Variants in SAMD5 observed in about 807,000 individuals in gnomAD.
The protein encoded by SAMD5 is sterile alpha motif domain containing 5.
In SAMD5, 13 loss-of-function variants were observed where a neutral mutation model predicts 11.3. That is an observed-to-expected ratio of 1.15 (90% CI 0.75 to 1.83). SAMD5 has a LOEUF of 1.83. Ranked by LOEUF, SAMD5 falls within the 40% of genes most tolerant of loss-of-function variation. The pLI is 0.00. For missense variants in SAMD5, 255 were observed against 239.1 expected (o/e 1.07, Z -0.44); for synonymous variants, 129 against 111.3 (o/e 1.16, Z -1.00).
the SAMD5 span, among the ~76,000 whole-genome samples, chr6:147,895,141 C>T: frequency 6.6e-6 from 1 of 152,190 alleles, no homozygotes; most frequent in Non-Finnish European, 1.5e-5. Context: ...GAGCCCAGGC[C>T]AGCTCTAAGC....
chr6:147,704,408 T>C (rs1791297621), intron 1 of SAMD5, among the ~76,000 whole-genome samples: 1 of 152,082 alleles, frequency 6.6e-6, no homozygotes, highest in Non-Finnish European at 1.5e-5. Context: ...ACTCATCATC[T>C]CTCTAATGAA....
the SAMD5 span, among the ~76,000 whole-genome samples, chr6:147,833,832 A>G: frequency 6.6e-6 from 1 of 152,346 alleles, no homozygotes; most frequent in East Asian, 1.9e-4. Flanking sequence ...ATTCAGAAGT[A>G]GTCCTTTATT....
In SAMD5 at chr6:147,613,370, A is replaced by G. The variant is rs536544107; in HGVS notation, c.162+103983A>G. Among the ~76,000 whole-genome samples the G allele has an allele frequency of 3.5e-4, 53 of 151,860 alleles. No homozygotes were observed. In the South Asian group the frequency reaches 8.3e-3, roughly 24 times the overall value. On this transcript the variant is annotated intron_variant, in intron 1 of 1. Transcript: ENST00000566741. ...TTCTGAGAGCCCCACGCACTAAGAG[A>G]TAGTCTGATCCATTGTCAAACTTCT...
chr6:147,556,842 GTA>G (rs1348485381), intron 1 of SAMD5, among the ~76,000 whole-genome samples: 17 of 152,240 alleles, frequency 1.1e-4, no homozygotes, highest in Non-Finnish European at 2.9e-5. Context: ...TACAACGATA[GTA>G]TGTTATTTAT....
chr6:147,748,278 C>G, the SAMD5 span, among the ~76,000 whole-genome samples: 16 of 152,298 alleles, frequency 1.1e-4, no homozygotes, highest in Middle Eastern at 3.4e-3. Context: ...CAGACTGTGG[C>G]ACATTCATCG....
chr6:147,571,485 G>T (rs1332584381), downstream of SAMD5, among the ~76,000 whole-genome samples: 1 of 124,658 alleles, frequency 8.0e-6, no homozygotes, highest in East Asian at 2.3e-4. Context: ...CCCGCACCCC[G>T]CCCCCCTGCC....
intron 1 of SAMD5, among the ~76,000 whole-genome samples, chr6:147,695,194 A>G (rs1791157862): frequency 6.6e-6 from 1 of 152,230 alleles, no homozygotes; most frequent in Admixed American, 6.5e-5. Flanking sequence ...TTCTTGGACA[A>G]TGAACAGAAA....
chr6:147,555,841 C>T (rs1028797343), intron 1 of SAMD5, among the ~76,000 whole-genome samples: 19 of 152,142 alleles, frequency 1.2e-4, no homozygotes, highest in African/African-American at 4.6e-4. Context: ...TGAATATCTA[C>T]AATTATTTAT....
At chr6:147,583,779 A>G (rs958361423) in intron 1 of SAMD5, among the ~76,000 whole-genome samples, 1 of 151,458 alleles carries the variant, frequency 6.6e-6, no homozygotes, top group Non-Finnish European at 1.5e-5. Flanking sequence ...TTGGTCTAGA[A>G]TGAGTGACCT....
chr6:147,933,232 A>C, the SAMD5 span, among the ~76,000 whole-genome samples: 5 of 152,238 alleles, frequency 3.3e-5, no homozygotes, highest in Non-Finnish European at 5.9e-5. Context: ...GCATAAAGTC[A>C]TGCAATCAGA....
the SAMD5 span, among the ~76,000 whole-genome samples, chr6:147,806,257 C>T: frequency 6.6e-6 from 1 of 152,330 alleles, no homozygotes; most frequent in East Asian, 1.9e-4. Context: ...GCGGCTACAT[C>T]AACAGCGACA....
chr6:147,654,024 T>C (rs1471761601), intron 1 of SAMD5, among the ~76,000 whole-genome samples: 1 of 152,214 alleles, frequency 6.6e-6, no homozygotes, highest in Admixed American at 6.5e-5. Flanking sequence ...AGAATTAGAA[T>C]CCCCTGATAC....
chr6:147,758,031 C>T, the SAMD5 span, among the ~76,000 whole-genome samples: 3 of 152,120 alleles, frequency 2.0e-5, no homozygotes, highest in Non-Finnish European at 4.4e-5. Flanking sequence ...GTTGTATGCA[C>T]CACAGCACAG....
chr6:147,512,173 ATC>A (rs1380919094), intron 1 of SAMD5, among the ~76,000 whole-genome samples: 3 of 151,930 alleles, frequency 2.0e-5, no homozygotes, highest in Non-Finnish European at 4.4e-5. Flanking sequence ...GGCCAGGCTC[ATC>A]TCGAACTCCT....
At chr6:147,570,674 G>C (rs868773750), downstream of SAMD5, among the ~76,000 whole-genome samples, 2 of 136,356 alleles carry the variant, frequency 1.5e-5, no homozygotes, top group African/African-American at 6.5e-5. Context: ...ATCAAATCAT[G>C]TGCATGTTTT....
At chr6:147,817,279 C>A in the SAMD5 span, among the ~76,000 whole-genome samples, 1 of 152,194 alleles carries the variant, frequency 6.6e-6, no homozygotes, top group Non-Finnish European at 1.5e-5. Context: ...AAGTGAATGG[C>A]CCAGCTGTGC....
intron 1 of SAMD5, among the ~76,000 whole-genome samples, chr6:147,534,597 A>C (rs1788480218): frequency 6.6e-6 from 1 of 152,176 alleles, no homozygotes; most frequent in Non-Finnish European, 1.5e-5. Context: ...GGGCGACGCC[A>C]GTGAGCCAGG....
chr6:147,775,759 G>C, the SAMD5 span, among the ~76,000 whole-genome samples: 1 of 152,112 alleles, frequency 6.6e-6, no homozygotes, highest in Non-Finnish European at 1.5e-5. Flanking sequence ...TGAGTGTACT[G>C]ACCAGTTTAC....
At chr6:147,818,176 A>G in the SAMD5 span, among the ~76,000 whole-genome samples, 1 of 152,146 alleles carries the variant, frequency 6.6e-6, no homozygotes, top group Non-Finnish European at 1.5e-5. Context: ...GCCTTGGACA[A>G]TTGGGAACTT....
Sources: allele counts gnomAD v4.1 joint callset (sites outside exome capture counted in the v4.1 genomes callset), GRCh38; gene constraint gnomAD v4.1.1; transcripts MANE v1.5; gene names NCBI Gene and HGNC (gene_info 2026-07-23, HGNC 2026-07-21).